The following RBFOX1 variants were observed in gnomAD, a reference collection of about 807,000 sequenced individuals.
The protein encoded by RBFOX1 is RNA binding fox-1 homolog 1, also known as RNA binding protein fox-1 homolog 1.
RBFOX1 carries 8 observed loss-of-function variants against 57.7 expected under a neutral mutation model. The ratio of observed to expected loss-of-function variants is 0.14; its 90% CI spans 0.08 to 0.25. RBFOX1 has a LOEUF of 0.25. Ranked by LOEUF, RBFOX1 falls within the 10% of genes least tolerant of loss-of-function variation. The pLI is 1.00. For missense variants in RBFOX1, 611 were observed against 548.5 expected (o/e 1.11, Z -1.14); for synonymous variants, 326 against 222.4 (o/e 1.47, Z -4.15).
chr16:7,702,824 G>A (rs1048235408), intron 14 of RBFOX1, among the ~76,000 whole-genome samples: 2 of 152,280 alleles, frequency 1.3e-5, no homozygotes, highest in South Asian at 2.1e-4. Flanking sequence ...GCAAACCAAA[G>A]GATTGTCTTC....
intron 1 of RBFOX1, among the ~76,000 whole-genome samples, chr16:5,399,187 G>A (rs2066645944): frequency 6.6e-6 from 1 of 152,160 alleles, no homozygotes; most frequent in African/African-American, 2.4e-5. Context: ...GAAAATTAGA[G>A]TCCCTCCCTC....
chr16:5,699,814 CT>C (rs1567414139), intron 3 of RBFOX1, among the ~76,000 whole-genome samples: 1 of 152,080 alleles, frequency 6.6e-6, no homozygotes. Flanking sequence ...CAGACATTAT[CT>C]TTGTGTTCTG....
At chr16:7,209,215 A>G (rs2090622524) in intron 4 of RBFOX1, among the ~76,000 whole-genome samples, 1 of 151,620 alleles carries the variant, frequency 6.6e-6, no homozygotes, top group African/African-American at 2.4e-5. Context: ...CATGCATGTA[A>G]TGCCAGCTAC....
At chr16:6,071,240 G>C (rs1268145277) in intron 1 of RBFOX1, among the ~76,000 whole-genome samples, 1 of 152,154 alleles carries the variant, frequency 6.6e-6, no homozygotes, top group Non-Finnish European at 1.5e-5. Flanking sequence ...AGGATCGTTT[G>C]AGCCCAGGAG....
chr16:7,404,348 C>T (rs1184812242), intron 4 of RBFOX1, among the ~76,000 whole-genome samples: 1 of 152,144 alleles, frequency 6.6e-6, no homozygotes. Flanking sequence ...CCACCGTGCC[C>T]AGCCGACATA....
chr16:6,778,874 T>A (rs985052367), intron 3 of RBFOX1, among the ~76,000 whole-genome samples: 7 of 151,954 alleles, frequency 4.6e-5, no homozygotes, highest in African/African-American at 1.7e-4. Flanking sequence ...GTTTTTTTTT[T>A]ATTTTTAATT....
At chr16:7,453,805 G>A (rs572357535) in intron 4 of RBFOX1, among the ~76,000 whole-genome samples, 44 of 152,258 alleles carry the variant, frequency 2.9e-4, no homozygotes, top group Admixed American at 7.2e-4. Flanking sequence ...TATGAAGCAC[G>A]GAGGAGCACC....
chr16:7,509,880 A>G (rs982037752), intron 4 of RBFOX1, among the ~76,000 whole-genome samples: 7 of 152,108 alleles, frequency 4.6e-5, no homozygotes, highest in African/African-American at 1.7e-4. Context: ...TATTTAGTTT[A>G]GTAATGAAAA....
chr16:5,909,570 C>T (rs1334910243), intron 4 of RBFOX1, among the ~76,000 whole-genome samples: 1 of 152,182 alleles, frequency 6.6e-6, no homozygotes, highest in Non-Finnish European at 1.5e-5. Flanking sequence ...ACAGTTGATC[C>T]ATGCAATCTC....
At chr16:7,096,659 G>A (rs59468778) in intron 4 of RBFOX1, among the ~76,000 whole-genome samples, 1 of 151,918 alleles carries the variant, frequency 6.6e-6, no homozygotes, top group Non-Finnish European at 1.5e-5. Flanking sequence ...GAGTTGAGCA[G>A]GTTGGCTCAT....
intron 1 of RBFOX1, among the ~76,000 whole-genome samples, chr16:6,294,693 A>T (rs2077875959): frequency 6.6e-6 from 1 of 152,172 alleles, no homozygotes. Context: ...AGTTTAGAAA[A>T]TTGTGTTTTG....
At position 5,353,810 on chromosome 16, in the gene RBFOX1, C is replaced by T. The variant is rs542734133; in HGVS notation, c.220-113406C>T. Among the ~76,000 whole-genome samples the T allele has an allele frequency of 9.2e-5, 14 of 151,596 alleles. No homozygotes were observed. The South Asian group carries it at 2.1e-3, about 23-fold the overall frequency. ...TCTCGGGGGCTACTGTGCGCTTGCT[C>T]GCATCCGGTCTCCTGTGGGGTCCAC... On this transcript the variant is annotated intron_variant, in intron 1 of 2. Transcript: ENST00000585867.
intron 3 of RBFOX1, among the ~76,000 whole-genome samples, chr16:6,938,236 A>T (rs1286330438): frequency 1.3e-5 from 2 of 152,150 alleles, no homozygotes; most frequent in East Asian, 3.8e-4. Flanking sequence ...TGTCCTATAA[A>T]TATCAGGTAG....
chr16:6,910,280 G>A (rs9924891), intron 3 of RBFOX1, among the ~76,000 whole-genome samples: 114,398 of 152,032 alleles, frequency 0.75, 43,255 homozygotes, highest in East Asian at 0.93. Context: ...TTCCAGAATC[G>A]TGTAGGGAGT....
intron 4 of RBFOX1, among the ~76,000 whole-genome samples, chr16:7,281,745 T>C (rs557730902): frequency 6.6e-6 from 1 of 152,296 alleles, no homozygotes; most frequent in East Asian, 1.9e-4. Flanking sequence ...ACGTGGGTTA[T>C]TTATAGTTTG....
At chr16:6,471,776 C>A (rs184178256) in intron 2 of RBFOX1, among the ~76,000 whole-genome samples, 101 of 152,224 alleles carry the variant, frequency 6.6e-4, no homozygotes, top group African/African-American at 2.3e-3. Context: ...GACTCCTTTG[C>A]AGGCTGGCCA....
chr16:6,758,050 A>G (rs1009991332), intron 3 of RBFOX1, among the ~76,000 whole-genome samples: 1 of 152,190 alleles, frequency 6.6e-6, no homozygotes, highest in African/African-American at 2.4e-5. Flanking sequence ...AGTCCAAACT[A>G]CTATCTTCTT....
chr16:6,068,937 G>A (rs186142112), intron 1 of RBFOX1, among the ~76,000 whole-genome samples: 1 of 152,224 alleles, frequency 6.6e-6, no homozygotes, highest in Admixed American at 6.5e-5. Context: ...CCCGGGAACA[G>A]GAGGGCAAGA....
At chr16:7,576,038 A>G (rs1035813373) in intron 5 of RBFOX1, among the ~76,000 whole-genome samples, 7 of 151,574 alleles carry the variant, frequency 4.6e-5, no homozygotes, top group Admixed American at 2.0e-4. Flanking sequence ...GGCTCCAGCC[A>G]TCTCCCACCT....
Sources: allele counts gnomAD v4.1 joint callset (sites outside exome capture counted in the v4.1 genomes callset), GRCh38; gene constraint gnomAD v4.1.1; transcripts MANE v1.5; gene names NCBI Gene and HGNC (gene_info 2026-07-23, HGNC 2026-07-21).